SPECC1L: variants seen among roughly 807,000 people sequenced by gnomAD.
SPECC1L encodes sperm antigen with calponin homology and coiled-coil domains 1 like, also known as cytospin-A.
In SPECC1L, 40 loss-of-function variants were observed where a neutral mutation model predicts 116.8. The observed-to-expected ratio is 0.34, with a 90% CI of 0.27 to 0.45. The LOEUF is 0.45. SPECC1L is among the 20% of genes least tolerant of loss of function. The pLI, the probability that SPECC1L is intolerant of heterozygous loss-of-function variation, is 1.00. For missense variants in SPECC1L, 1,110 were observed against 1,373.6 expected (o/e 0.81, Z 3.03); for synonymous variants, 504 against 500.6 (o/e 1.01, Z -0.09).
chr22:24,324,002 A>G (rs1454638588), intron 5 of SPECC1L, among the ~76,000 whole-genome samples: 1 of 152,234 alleles, frequency 6.6e-6, no homozygotes, highest in Non-Finnish European at 1.5e-5. Flanking sequence ...CATCAATATA[A>G]TTTCAGTCAG....
At position 24,369,382 on chromosome 22, in the gene SPECC1L, A is replaced by G. The variant is rs1467236350; in HGVS notation, c.3087+62A>G. The G allele has an allele frequency of 3.4e-6, 4 of 1,180,056 alleles. No homozygotes were observed. In the East Asian group the frequency reaches 9.3e-5, roughly 28 times the overall value. 73.1% of individuals were successfully genotyped at this position (1,180,056 alleles called of 1,614,324 possible). ...GGCAAACCAACTGCTGGAGTGTCGT[A>G]GCTTACTACGTGTCACACATTAGAA... On this transcript the variant is annotated intron_variant, in intron 14 of 16. Coordinates refer to ENST00000314328, the MANE Select transcript of SPECC1L (RefSeq NM_015330.6).
intron 4 of SPECC1L, among the ~76,000 whole-genome samples, chr22:24,315,047 A>G (rs546530216): frequency 6.6e-6 from 1 of 152,394 alleles, no homozygotes; most frequent in South Asian, 2.1e-4. Context: ...TAAAACTTCT[A>G]GTAAACATAA....
intron 14 of SPECC1L, among the ~76,000 whole-genome samples, chr22:24,388,155 A>G (rs1486958285): frequency 6.6e-6 from 1 of 151,926 alleles, no homozygotes; most frequent in Admixed American, 6.6e-5. Context: ...ATACGTATAC[A>G]TGTGCCATGT....
At chr22:24,333,758 C>T (rs1405510344) in intron 8 of SPECC1L, among the ~76,000 whole-genome samples, 3 of 151,944 alleles carry the variant, frequency 2.0e-5, no homozygotes, top group Admixed American at 6.6e-5. Flanking sequence ...AGGGCCTTCT[C>T]GGCAGCACAG....
At chr22:24,382,999 A>T (rs1415156400) in intron 14 of SPECC1L, among the ~76,000 whole-genome samples, 1 of 152,218 alleles carries the variant, frequency 6.6e-6, no homozygotes, top group Non-Finnish European at 1.5e-5. Flanking sequence ...ATTACCAAAG[A>T]CTTAAAAACT....
At chr22:24,363,622 G>C (rs2146624042) in intron 12 of SPECC1L, among the ~76,000 whole-genome samples, 1 of 152,182 alleles carries the variant, frequency 6.6e-6, no homozygotes, top group Admixed American at 6.5e-5. Context: ...TTCTTTCTCA[G>C]TCTGTTTCCT....
intron 9 of SPECC1L, among the ~76,000 whole-genome samples, chr22:24,337,503 G>A (rs979418428): frequency 6.6e-6 from 1 of 152,210 alleles, no homozygotes; most frequent in East Asian, 1.9e-4. Context: ...CTAGGTAGAG[G>A]TGATGGTTGC....
At chr22:24,293,413 A>G (rs1471398926) in intron 2 of SPECC1L, among the ~76,000 whole-genome samples, 2 of 152,178 alleles carry the variant, frequency 1.3e-5, no homozygotes, top group African/African-American at 2.4e-5. Context: ...AGGTCGTGCC[A>G]CTGTACTCCA....
chr22:24,332,100 C>T (rs1388089780), intron 8 of SPECC1L, among the ~76,000 whole-genome samples: 4 of 152,148 alleles, frequency 2.6e-5, no homozygotes, highest in Non-Finnish European at 5.9e-5. Context: ...AACTGTGCAT[C>T]ATTCAGACTT....
intron 10 of SPECC1L, among the ~76,000 whole-genome samples, chr22:24,345,083 G>C (rs1014228398): frequency 1.3e-5 from 2 of 152,128 alleles, no homozygotes; most frequent in Non-Finnish European, 2.9e-5. Context: ...TTGTGGTCGG[G>C]GGGGTGCGGG....
intron 11 of SPECC1L, among the ~76,000 whole-genome samples, chr22:24,350,973 G>A (rs752365046): frequency 3.3e-5 from 5 of 152,194 alleles, no homozygotes; most frequent in Admixed American, 2.0e-4. Flanking sequence ...GGACAGTGAC[G>A]CTCCATGTTC....
In SPECC1L at chr22:24,369,207, C is replaced by A. The variant is rs9612615; in HGVS notation, c.2985-11C>A. Reference sequence around the variant, plus strand: ...CAAAAAATATTTCAACTTTGGGTTACTTGTTTTCAGAGAAGAAAGGAAAGA... The same window carrying A: ...CAAAAAATATTTCAACTTTGGGTTAATTGTTTTCAGAGAAGAAAGGAAAGA... On this transcript the variant is annotated splice_polypyrimidine_tract_variant and intron_variant, in intron 13 of 16. Transcript: ENST00000314328. 6.2e-7 allele frequency: 1 copy of A among 1,601,424 alleles called. No individual in the cohort carries two copies.
chr22:24,405,547 A>C (rs2042571337), intron 14 of SPECC1L, among the ~76,000 whole-genome samples: 1 of 151,838 alleles, frequency 6.6e-6, no homozygotes. Flanking sequence ...AAACCCTAAA[A>C]ATACCTTACA....
At chr22:24,272,604 G>A (rs112112830) in intron 1 of SPECC1L, among the ~76,000 whole-genome samples, 6 of 151,168 alleles carry the variant, frequency 4.0e-5, no homozygotes, top group South Asian at 2.1e-4. Context: ...GAGGCAGAGG[G>A]TGCAGTGAAC....
chr22:24,381,147 T>G (rs1569442666), intron 14 of SPECC1L, among the ~76,000 whole-genome samples: 1 of 152,178 alleles, frequency 6.6e-6, no homozygotes, highest in Non-Finnish European at 1.5e-5. Context: ...GGTTTTAGAT[T>G]TTATATCTAA....
At chr22:24,411,553 T>C (rs1369975126) in intron 14 of SPECC1L, 35 bp from the exon 15 acceptor site, 2 of 1,581,942 alleles carry the variant, frequency 1.3e-6, no homozygotes, top group Non-Finnish European at 1.7e-6. Flanking sequence ...GGTCCCAGCA[T>C]GTGTTGGTTA....
At chr22:24,271,732 G>A (rs190399302) in intron 1 of SPECC1L, among the ~76,000 whole-genome samples, 3 of 152,336 alleles carry the variant, frequency 2.0e-5, no homozygotes, top group East Asian at 1.9e-4. Flanking sequence ...CAAAAATTCT[G>A]TGATCATTCA....
In SPECC1L at chr22:24,338,535, T is replaced by C; in HGVS notation, c.2652+58T>C. ...GCCTCAGAATCTGAAAGTTGAGGCC[T>C]TTTCTTCACAGTCATTTACACCTGT... is the stretch of plus-strand genomic sequence containing the variant. On this transcript the variant is annotated intron_variant, in intron 10 of 16. Transcript: ENST00000314328. The C allele has an allele frequency of 2.7e-6, 4 of 1,467,966 alleles. No individual in the cohort carries two copies. The South Asian group carries it at 3.4e-5, about 13-fold the overall frequency. 90.9% of individuals were successfully genotyped at this position (1,467,966 alleles called of 1,614,324 possible).
intron 12 of SPECC1L, among the ~76,000 whole-genome samples, chr22:24,364,661 CAAA>C (rs57580257): frequency 1.6e-4 from 17 of 105,414 alleles, no homozygotes; most frequent in East Asian, 2.7e-4. Context: ...GACTCCCTCT[CAAA>C]AAAAAAAAAA....
Sources: gnomAD v4.1 joint callset for allele counts (sites outside exome capture counted in the v4.1 genomes callset) on GRCh38, gnomAD v4.1.1 for gene constraint, MANE v1.5 for transcripts, NCBI Gene and HGNC (gene_info 2026-07-23, HGNC 2026-07-21) for gene names.